The following CARMIL1 variants were observed in gnomAD, a reference collection of about 807,000 sequenced individuals.
CARMIL1 encodes the protein F-actin-uncapping protein LRRC16A.
Under a neutral mutation model 177.1 loss-of-function variants are expected in CARMIL1, and 90 were observed. That is an observed-to-expected ratio of 0.51 (90% CI 0.43 to 0.61). CARMIL1 has a LOEUF of 0.61. Among genes scored for constraint, CARMIL1 ranks in the 20% least tolerant of loss-of-function variants. The pLI, the probability that CARMIL1 is intolerant of heterozygous loss-of-function variation, is 0.00. For missense variants in CARMIL1, 1,380 were observed against 1,667.0 expected, an observed-to-expected ratio of 0.83 and a Z score of 3.00; for synonymous variants, 577 against 606.2, an observed-to-expected ratio of 0.95 and a Z score of 0.71.
At chr6:25,332,873 A>G (rs150101855) in intron 2 of CARMIL1, among the ~76,000 whole-genome samples, 1 of 152,044 alleles carries the variant, frequency 6.6e-6, no homozygotes, top group African/African-American at 2.4e-5. Context: ...AAAAGACCTG[A>G]TACTTCCGTG....
chr6:25,337,203 G>C (rs2690079), intron 2 of CARMIL1, among the ~76,000 whole-genome samples: 84,124 of 152,056 alleles, frequency 0.55, 23,562 homozygotes, highest in African/African-American at 0.64. Context: ...AGCTCTCCTT[G>C]TAAGTTAATA....
At position 25,286,094 on chromosome 6, in the gene CARMIL1, A is replaced by T. The variant is rs12525218; in HGVS notation, c.138+1185A>T. Among the ~76,000 whole-genome samples, 1,427 of 152,306 alleles carry T rather than the reference A, an allele frequency of 9.4e-3. 81 individuals carry two copies. The highest frequency in any genetic ancestry group is 0.083 in the Admixed American group (1,269 of 15,296). On this transcript the variant is annotated intron_variant, in intron 2 of 36. Coordinates refer to ENST00000329474, the MANE Select transcript of CARMIL1 (RefSeq NM_017640.6). The stretch of plus-strand genomic sequence containing the variant: ...CCCTGTATTCCCGAGGCTGGTCTCA[A>T]ACTCCTGGACTCAAGCGATCTGCCT...
chr6:25,556,589 C>T (rs1810620746), intron 28 of CARMIL1, 112 bp from the exon 29 acceptor site: 10 of 863,640 alleles, frequency 1.2e-5, no homozygotes, highest in Admixed American at 8.6e-5. Flanking sequence ...CCTTGTCACT[C>T]GTCAGCTTTG....
chr6:25,308,481 A>C lies in CARMIL1; in HGVS notation c.138+23572A>C, dbSNP rs1173578782. On this transcript the variant is annotated intron_variant, in intron 2 of 36. Transcript: ENST00000329474. ...ACTGCAACCTCTGACTCCCAGATTC[A>C]AGTGATTCTCCTGCCTCAGCCTCCC... Among the ~76,000 whole-genome samples the C allele has an allele frequency of 7.4e-5, 11 of 149,438 alleles. No individual in the cohort carries two copies. In the Admixed American group the frequency reaches 7.4e-4, roughly 10 times the overall value.
At chr6:25,450,740 T>A in intron 8 of CARMIL1, 29 bp downstream of exon 8, 1 of 1,318,732 alleles carries the variant, frequency 7.6e-7, no homozygotes, top group Non-Finnish European at 1.0e-6. Context: ...TCTTTCCTCC[T>A]TTCCTCCCTC....
At chr6:25,608,894 T>C (rs1355930133) in intron 35 of CARMIL1, among the ~76,000 whole-genome samples, 1 of 152,166 alleles carries the variant, frequency 6.6e-6, no homozygotes, top group Non-Finnish European at 1.5e-5. Context: ...AATGATCCAG[T>C]AGTCAAGGGT....
At chr6:25,351,687 A>C (rs753077815) in intron 2 of CARMIL1, among the ~76,000 whole-genome samples, 6 of 152,202 alleles carry the variant, frequency 3.9e-5, no homozygotes, top group Non-Finnish European at 8.8e-5. Flanking sequence ...AACAGTTGCT[A>C]CTTGGAATTC....
At chr6:25,284,742 C>T (rs76315339) in intron 1 of CARMIL1, 70 bp from the exon 2 acceptor site, 3 of 836,716 alleles carry the variant, frequency 3.6e-6, no homozygotes, top group Non-Finnish European at 5.8e-6. Flanking sequence ...ACCAAATATA[C>T]TCCTCCAAAT....
chr6:25,305,194 A>C (rs745681235), intron 2 of CARMIL1, among the ~76,000 whole-genome samples: 68 of 152,236 alleles, frequency 4.5e-4, no homozygotes, highest in Non-Finnish European at 8.2e-4. Context: ...TAATTTTAGG[A>C]ACTTGAGAAT....
chr6:25,496,089 T>C (rs1803677894), intron 16 of CARMIL1, among the ~76,000 whole-genome samples: 1 of 152,244 alleles, frequency 6.6e-6, no homozygotes, highest in Admixed American at 6.5e-5. Context: ...ATTTAATTTA[T>C]AAATTTTCTT....
At chr6:25,449,059 C>G (rs1798526442) in intron 5 of CARMIL1, among the ~76,000 whole-genome samples, 2 of 151,998 alleles carry the variant, frequency 1.3e-5, no homozygotes, top group South Asian at 4.1e-4. Flanking sequence ...TACTACCACA[C>G]CTGGCTAATT....
At chr6:25,491,830 T>C (rs761268923) in intron 14 of CARMIL1, 21 bp downstream of exon 14, 5 of 1,548,694 alleles carry the variant, frequency 3.2e-6, no homozygotes, top group Non-Finnish European at 4.4e-6. Flanking sequence ...AATATATATA[T>C]ATCTTGCTCT....
chr6:25,501,025 G>T (rs1393708000), intron 17 of CARMIL1, among the ~76,000 whole-genome samples: 1 of 152,060 alleles, frequency 6.6e-6, no homozygotes, highest in Non-Finnish European at 1.5e-5. Flanking sequence ...GCCTCCCAAA[G>T]TGTTGGAATT....
intron 2 of CARMIL1, among the ~76,000 whole-genome samples, chr6:25,290,978 T>G (rs754571964): frequency 2.0e-4 from 30 of 152,132 alleles, no homozygotes; most frequent in Non-Finnish European, 3.5e-4. Context: ...TTAAATTTTT[T>G]TATTAATTAA....
intron 5 of CARMIL1, among the ~76,000 whole-genome samples, chr6:25,436,383 G>C (rs1437323113): frequency 1.3e-5 from 2 of 152,214 alleles, no homozygotes; most frequent in Admixed American, 1.3e-4. Flanking sequence ...AGTGTATACA[G>C]GGAAGGGCTG....
intron 12 of CARMIL1, among the ~76,000 whole-genome samples, chr6:25,486,681 T>C (rs990102137): frequency 7.9e-5 from 12 of 152,180 alleles, no homozygotes; most frequent in African/African-American, 2.7e-4. Context: ...CTAACACAAT[T>C]AATCAAATTT....
chr6:25,400,881 G>A (rs1007873637), intron 2 of CARMIL1, among the ~76,000 whole-genome samples: 1 of 152,124 alleles, frequency 6.6e-6, no homozygotes, highest in African/African-American at 2.4e-5. Context: ...CTCACTAAGA[G>A]GAACCATCAA....
At chr6:25,608,667 A>T (rs551549372) in intron 35 of CARMIL1, among the ~76,000 whole-genome samples, 2 of 152,218 alleles carry the variant, frequency 1.3e-5, no homozygotes, top group African/African-American at 4.8e-5. Flanking sequence ...TTTCAAATAC[A>T]CCATCTCATT....
At chr6:25,528,607 C>A (rs529632904) in intron 23 of CARMIL1, among the ~76,000 whole-genome samples, 188 bp from the exon 24 acceptor site, 61 of 152,316 alleles carry the variant, frequency 4.0e-4, no homozygotes, top group African/African-American at 1.5e-3. Flanking sequence ...GAATCTCTAA[C>A]TAAAAACACC....
Sources: allele counts gnomAD v4.1 joint callset (sites outside exome capture counted in the v4.1 genomes callset), GRCh38; gene constraint gnomAD v4.1.1; transcripts MANE v1.5; gene names NCBI Gene and HGNC (gene_info 2026-07-23, HGNC 2026-07-21).